The following KIF15 variants were observed in gnomAD, a reference collection of about 807,000 sequenced individuals.
KIF15 encodes the protein kinesin family member 15.
A neutral mutation model predicts 190.6 loss-of-function variants in KIF15; 140 were observed. That is an observed-to-expected ratio of 0.73 (90% CI 0.64 to 0.84). The LOEUF is 0.84. KIF15 is among the 40% of genes least tolerant of loss of function. The probability of loss-of-function intolerance (pLI) is 0.00; values close to 1 mark genes in which losing one functional copy is unlikely to be tolerated. For synonymous variants in KIF15, 528 were observed against 551.3 expected (o/e 0.96, Z 0.59); for missense variants, 1,372 against 1,584.4 (o/e 0.87, Z 2.28).
chr3:44,817,365 T>C (rs1167646325), intron 20 of KIF15, among the ~76,000 whole-genome samples: 1 of 152,240 alleles, frequency 6.6e-6, no homozygotes, highest in Non-Finnish European at 1.5e-5. Flanking sequence ...AGGGTTTTTA[T>C]GGTTTTAGGT....
chr3:44,821,128 G>T (rs1367167320), intron 20 of KIF15, among the ~76,000 whole-genome samples: 1 of 146,214 alleles, frequency 6.8e-6, no homozygotes, highest in Non-Finnish European at 1.5e-5. Context: ...CGGGCGGGGG[G>T]CTGACCCCCC....
intron 1 of KIF15, among the ~76,000 whole-genome samples, chr3:44,764,637 A>ATT (rs1705305570): frequency 6.6e-6 from 1 of 151,960 alleles, no homozygotes; most frequent in Non-Finnish European, 1.5e-5. Context: ...TATAGACTTC[A>ATT]TTTTTTTCTT....
At chr3:44,773,426 C>T (rs1476160449) in intron 1 of KIF15, among the ~76,000 whole-genome samples, 1 of 152,212 alleles carries the variant, frequency 6.6e-6, no homozygotes, top group Non-Finnish European at 1.5e-5. Flanking sequence ...ACCCCAGCCC[C>T]ACCCAGAAGG....
chr3:44,784,249 G>T (rs371143420), intron 5 of KIF15, among the ~76,000 whole-genome samples: 1 of 152,172 alleles, frequency 6.6e-6, no homozygotes, highest in Non-Finnish European at 1.5e-5. Flanking sequence ...TCGGCTCACT[G>T]CAAGCTCCGC....
At chr3:44,775,481 G>A (rs773735123) in intron 3 of KIF15, 44 bp downstream of exon 3, 1 of 1,420,722 alleles carries the variant, frequency 7.0e-7, no homozygotes, top group Admixed American at 2.0e-5. Context: ...TTTTGAAAAG[G>A]AGTCTCACTC....
At chr3:44,798,368 ATTTATTTATTTTTTT>A (rs1281493864) in intron 10 of KIF15, among the ~76,000 whole-genome samples, 2 of 144,710 alleles carry the variant, frequency 1.4e-5, no homozygotes, top group Non-Finnish European at 3.0e-5. Flanking sequence ...TTTATTTTTT[ATTTATTTATTTTTTT>A]GAGACAGAGT....
At chr3:44,805,354 A>G (rs1029114160) in intron 15 of KIF15, among the ~76,000 whole-genome samples, 186 bp downstream of exon 15, 2 of 152,216 alleles carry the variant, frequency 1.3e-5, no homozygotes, top group Admixed American at 6.5e-5. Context: ...TGAACTAGGT[A>G]ATACAGGTGT....
At chr3:44,789,455 A>G (rs1256998096) in intron 7 of KIF15, among the ~76,000 whole-genome samples, 1 of 151,548 alleles carries the variant, frequency 6.6e-6, no homozygotes, top group African/African-American at 2.4e-5. Context: ...TTGAGACATA[A>G]TTTATGGATT....
intron 20 of KIF15, among the ~76,000 whole-genome samples, chr3:44,821,857 T>A: frequency 6.6e-6 from 1 of 152,224 alleles, no homozygotes; most frequent in Admixed American, 6.5e-5. Flanking sequence ...TGAACCAGAC[T>A]CCGTCTGCAA....
At chr3:44,833,449 T>G (rs547369845) in intron 26 of KIF15, among the ~76,000 whole-genome samples, 1 of 152,012 alleles carries the variant, frequency 6.6e-6, no homozygotes, top group South Asian at 2.1e-4. Flanking sequence ...GATGGTCCTA[T>G]CCAGGGGTGA....
At chr3:44,861,954 C>T (rs1247193099) in intron 6 of KIF15, 3 of 1,403,308 alleles carry the variant, frequency 2.1e-6, no homozygotes, top group African/African-American at 1.5e-5. Flanking sequence ...CTCCGGGCGG[C>T]GCCGTGTCCG....
chr3:44,793,102 T>C (rs1164426126), intron 7 of KIF15, among the ~76,000 whole-genome samples: 1 of 152,196 alleles, frequency 6.6e-6, no homozygotes, highest in Non-Finnish European at 1.5e-5. Flanking sequence ...CATCTGTAGA[T>C]GATTCATATG....
At chr3:44,821,377 T>G (rs1319556792) in intron 20 of KIF15, among the ~76,000 whole-genome samples, 2 of 137,120 alleles carry the variant, frequency 1.5e-5, no homozygotes, top group African/African-American at 5.6e-5. Context: ...CGGGGCGGCT[T>G]CCGGGCGGAG....
intron 1 of KIF15, chr3:44,766,116 A>AG: frequency 6.5e-6 from 1 of 152,926 alleles, no homozygotes; most frequent in Non-Finnish European, 1.5e-5. Flanking sequence ...CTGGGATTAC[A>AG]TCATGAGCCA....
At chr3:44,806,942 C>T (rs1386386252) in intron 16 of KIF15, among the ~76,000 whole-genome samples, 14 of 151,892 alleles carry the variant, frequency 9.2e-5, no homozygotes, top group African/African-American at 1.7e-4. Flanking sequence ...GATGGGGTTT[C>T]GCCATGTTGG....
At chr3:44,805,334 A>T (rs1412610421) in intron 15 of KIF15, among the ~76,000 whole-genome samples, 166 bp downstream of exon 15, 2 of 152,206 alleles carry the variant, frequency 1.3e-5, no homozygotes, top group Non-Finnish European at 2.9e-5. Context: ...CTCTTTACTA[A>T]TATATTCAAT....
chr3:44,770,335 T>C (rs1186634695), intron 1 of KIF15, among the ~76,000 whole-genome samples: 21 of 152,220 alleles, frequency 1.4e-4, no homozygotes. Flanking sequence ...TTGGCTTTGA[T>C]GGAACTCTAT....
chr3:44,813,723 G>A (rs1186934694), intron 19 of KIF15, among the ~76,000 whole-genome samples: 1 of 150,138 alleles, frequency 6.7e-6, no homozygotes, highest in Non-Finnish European at 1.5e-5. Flanking sequence ...TCCAGCTCCT[G>A]GGTTCAAGCA....
intron 10 of KIF15, among the ~76,000 whole-genome samples, chr3:44,799,874 A>T (rs1490657890): frequency 6.6e-6 from 1 of 151,954 alleles, no homozygotes; most frequent in Non-Finnish European, 1.5e-5. Flanking sequence ...GCTCAAGCCC[A>T]CCCTGCAAGT....
Sources: allele counts gnomAD v4.1 joint callset (sites outside exome capture counted in the v4.1 genomes callset), GRCh38; gene constraint gnomAD v4.1.1; transcripts MANE v1.5; gene names NCBI Gene and HGNC (gene_info 2026-07-23, HGNC 2026-07-21).